Variants in DENND5B observed in about 807,000 individuals in gnomAD.
DENND5B encodes the protein DENN domain containing 5B, also known as DENN domain-containing protein 5B.
A neutral mutation model predicts 140.6 loss-of-function variants in DENND5B; 34 were observed. That is an observed-to-expected ratio of 0.24 (90% confidence interval 0.18 to 0.32). DENND5B has a LOEUF of 0.32. Among genes scored for constraint, DENND5B ranks in the 10% least tolerant of loss-of-function variants. The pLI is 1.00. For synonymous variants in DENND5B, 551 were observed against 562.1 expected (o/e 0.98, Z 0.28); for missense variants, 1,142 against 1,560.2 (o/e 0.73, Z 4.52).
chr12:31,566,187 G>T (rs1021810017), intron 1 of DENND5B, among the ~76,000 whole-genome samples: 23 of 152,080 alleles, frequency 1.5e-4, no homozygotes, highest in African/African-American at 4.3e-4. Flanking sequence ...AGTCATGGTG[G>T]TGCACACCTG....
chr12:31,433,218 C>T lies in DENND5B; in HGVS notation c.2043G>A (p.Gln681=). 5 of 1,613,670 alleles carry T rather than the reference C, an allele frequency of 3.1e-6. No individual in the cohort carries two copies. The highest frequency in any genetic ancestry group is 4.2e-6 in the Non-Finnish European group (5 of 1,179,780). The change falls in exon 8 of 21, where the codon CAG becomes CAA. Residue 681 remains glutamine (Q), a synonymous_variant. Coordinates refer to ENST00000389082, the MANE Select transcript of DENND5B (RefSeq NM_144973.4). ...NRWVSRSATA[Q]RRKERLRQHS... is the part of the protein sequence containing the mutation. ...GCTGGCGAAGGCGTTCTTTCCTGCG[C>T]TGTGCAGTGGCACTCCGACTTACCC...
chr12:31,462,183 C>T (rs1945048566), intron 3 of DENND5B, among the ~76,000 whole-genome samples: 1 of 152,212 alleles, frequency 6.6e-6, no homozygotes, highest in Non-Finnish European at 1.5e-5. Context: ...GGTGGATACA[C>T]ACATTTTACA....
chr12:31,431,038 A>C (rs570664926), intron 8 of DENND5B, among the ~76,000 whole-genome samples: 1 of 152,362 alleles, frequency 6.6e-6, no homozygotes, highest in South Asian at 2.1e-4. Context: ...TTCAAGATGA[A>C]AAATATAGGA....
At position 31,480,058 on chromosome 12, in the gene DENND5B, G is replaced by C. The variant is rs146195536; in HGVS notation, c.435C>G (p.Ser145Arg). ...TGCAGGAAGATGAAGCATACACACT[G>C]CTGTAATGCTCAGCGTTGTGCATCT... Reference protein sequence around the residue: ...LYQMHNAEHYSSVYASSSCSM... With the variant: ...LYQMHNAEHYRSVYASSSCSM... The change falls in exon 3 of 21, where the codon AGC becomes AGG. Residue 145 changes from serine to arginine, a missense_variant. Physicochemically the swap from Ser to Arg is moderately radical, Grantham distance 110. Coordinates refer to ENST00000389082, the MANE Select transcript of DENND5B (RefSeq NM_144973.4). The C allele has an allele frequency of 1.2e-6, 2 of 1,614,022 alleles. No homozygotes were observed. The highest frequency in any genetic ancestry group is 1.7e-6 in the Non-Finnish European group (2 of 1,179,876).
intron 12 of DENND5B, among the ~76,000 whole-genome samples, chr12:31,413,780 A>G (rs1384455242): frequency 6.6e-6 from 1 of 152,244 alleles, no homozygotes; most frequent in Non-Finnish European, 1.5e-5. Flanking sequence ...GCACACGGAC[A>G]ATGTGGTAAG....
rs563666484 is a variant in DENND5B at position 31,569,668 on chromosome 12, C to T, written c.127+21038G>A. 7.2e-5 allele frequency among the ~76,000 whole-genome samples: 11 copies of T among 152,048 alleles called. No homozygotes were observed. In the South Asian group the frequency reaches 8.3e-4, roughly 11 times the overall value. On this transcript the variant is annotated intron_variant, in intron 1 of 20. Transcript: ENST00000389082. Reference sequence around the variant, plus strand: ...ATTAAAAACACACAAAAAAATTAGCCGAGTATGGTGGTACATGCCTGTGAT... The same window carrying T: ...ATTAAAAACACACAAAAAAATTAGCTGAGTATGGTGGTACATGCCTGTGAT...
At chr12:31,495,375 A>ATTTCTTTTTG (rs1946716037) in intron 2 of DENND5B, among the ~76,000 whole-genome samples, 2 of 47,814 alleles carry the variant, frequency 4.2e-5, no homozygotes, top group Non-Finnish European at 7.1e-5. Flanking sequence ...AGAGTATCAC[A>ATTTCTTTTTG]TTTCTTTTTT....
intron 7 of DENND5B, among the ~76,000 whole-genome samples, chr12:31,438,664 T>C (rs996250706): frequency 2.0e-5 from 3 of 152,038 alleles, no homozygotes; most frequent in East Asian, 1.9e-4. Flanking sequence ...AGGGGAAGAA[T>C]AGAATATAAA....
chr12:31,541,077 AAATT>A lies in DENND5B; in HGVS notation c.128-45162_128-45159del, dbSNP rs1948669134. ...TCAAATGAAAATGGGTTAAAAACTT[AAATT>A]TAAGACCTCAAACTATGAAACTACT... On this transcript the variant is annotated intron_variant, in intron 1 of 20. Coordinates refer to ENST00000389082, the MANE Select transcript of DENND5B (RefSeq NM_144973.4). 4 of 442,726 alleles carry A rather than the reference AAATT, an allele frequency of 9.0e-6. No homozygotes were observed. The Middle Eastern group carries it at 1.3e-3, about 148-fold the overall frequency. The allele number at this position is 442,726 out of a possible 1,614,324, so 27.4% of individuals were successfully genotyped here. A position where few individuals can be genotyped will look rare whatever the true frequency, so the allele number is the denominator to read the frequency against.
intron 13 of DENND5B, among the ~76,000 whole-genome samples, chr12:31,411,444 A>C (rs1942457995): frequency 6.7e-6 from 1 of 149,626 alleles, no homozygotes; most frequent in South Asian, 2.1e-4. Flanking sequence ...TCCTGGGTTC[A>C]AGTGATTCTC....
intron 1 of DENND5B, among the ~76,000 whole-genome samples, chr12:31,549,392 A>T (rs1220001590): frequency 6.6e-6 from 1 of 152,182 alleles, no homozygotes; most frequent in African/African-American, 2.4e-5. Context: ...TACAATTTTT[A>T]AAATTATTCT....
intron 14 of DENND5B, among the ~76,000 whole-genome samples, chr12:31,403,731 A>G (rs566745480): frequency 1.3e-5 from 2 of 151,614 alleles, no homozygotes; most frequent in South Asian, 4.2e-4. Flanking sequence ...CCCCGTCTCT[A>G]CTAAAAATAC....
chr12:31,505,877 C>G (rs904611032), intron 1 of DENND5B, among the ~76,000 whole-genome samples: 1 of 151,844 alleles, frequency 6.6e-6, no homozygotes, highest in African/African-American at 2.4e-5. Flanking sequence ...TGTTGTTGTC[C>G]AGGCTGGAGT....
chr12:31,581,486 C>T (rs551797579), intron 1 of DENND5B, among the ~76,000 whole-genome samples: 1 of 151,766 alleles, frequency 6.6e-6, no homozygotes, highest in African/African-American at 2.4e-5. Context: ...GTCGGGAGCC[C>T]GAGACCAGCC....
At chr12:31,443,063 T>C (rs1944114540) in intron 6 of DENND5B, 138 bp from the exon 7 acceptor site, 3 of 779,246 alleles carry the variant, frequency 3.8e-6, no homozygotes, top group African/African-American at 1.8e-5. Flanking sequence ...TGTGTGTGTG[T>C]GCACGCACGC....
chr12:31,395,017 G>A (rs892803207), intron 17 of DENND5B, among the ~76,000 whole-genome samples: 1 of 152,022 alleles, frequency 6.6e-6, no homozygotes, highest in Admixed American at 6.6e-5. Context: ...TATATAAACA[G>A]ATATATATCA....
intron 1 of DENND5B, among the ~76,000 whole-genome samples, chr12:31,511,744 C>T (rs952134650): frequency 4.0e-5 from 6 of 151,678 alleles, no homozygotes; most frequent in Non-Finnish European, 7.4e-5. Context: ...TAAAAATGTT[C>T]GTTGAGTAAA....
intron 8 of DENND5B, among the ~76,000 whole-genome samples, chr12:31,426,985 T>G (rs7314404): frequency 0.38 from 58,244 of 151,992 alleles, 12,027 homozygotes; most frequent in East Asian, 0.57. Context: ...CAACTAATGT[T>G]TGTGCATCTC....
intron 7 of DENND5B, among the ~76,000 whole-genome samples, chr12:31,433,868 A>C (rs1229537343): frequency 6.6e-6 from 1 of 152,168 alleles, no homozygotes; most frequent in African/African-American, 2.4e-5. Flanking sequence ...AATTTAAAAA[A>C]TTAGCCTCCT....
Sources: allele counts gnomAD v4.1 joint callset (sites outside exome capture counted in the v4.1 genomes callset), GRCh38; gene constraint gnomAD v4.1.1; transcripts MANE v1.5; gene names NCBI Gene and HGNC (gene_info 2026-07-23, HGNC 2026-07-21).